PCDH11X: variants seen among roughly 807,000 people sequenced by gnomAD.
PCDH11X encodes the protein protocadherin-11 X-linked.
In PCDH11X, 18 loss-of-function variants were observed where a neutral mutation model predicts 53.3. The observed-to-expected ratio is 0.34, with a 90% confidence interval of 0.23 to 0.50. PCDH11X has a LOEUF of 0.50. PCDH11X is among the 20% of genes least tolerant of loss of function. The pLI, the probability that PCDH11X is intolerant of heterozygous loss-of-function variation, is 0.98. For missense variants in PCDH11X, 570 were observed against 1,032.4 expected, an observed-to-expected ratio of 0.55 and a Z score of 6.14; for synonymous variants, 279 against 393.3, an observed-to-expected ratio of 0.71 and a Z score of 3.44.
chrX:92,094,173 GTGTATA>G (rs1187466404), intron 6 of PCDH11X, among the ~76,000 whole-genome samples: 6 of 71,300 alleles, frequency 8.4e-5, no homozygotes, highest in African/African-American at 3.0e-4. Flanking sequence ...GTGTGTGTGT[GTGTATA>G]TATATATAAA....
chrX:92,119,065 C>T (rs1232992329), intron 6 of PCDH11X, among the ~76,000 whole-genome samples: 1 of 109,268 alleles, frequency 9.2e-6, no homozygotes, highest in African/African-American at 3.3e-5. Context: ...TTGAGATAAT[C>T]TGATAAATTA....
rs200385743 is a variant in PCDH11X at position 92,552,007 on chromosome X, T to TC, written c.3368-66256dup. Among the ~76,000 whole-genome samples, 395 of 89,193 alleles carry TC rather than the reference T, an allele frequency of 4.4e-3. 4 individuals are homozygous for TC. The East Asian group carries it at 0.077, about 17-fold the overall frequency. The allele number at this position is 89,193 out of a possible 115,157, so 77.5% of individuals were successfully genotyped here. A position where few individuals can be genotyped will look rare whatever the true frequency, so the allele number is the denominator to read the frequency against. On this transcript the variant is annotated intron_variant, in intron 10 of 10. Coordinates refer to ENST00000682573, the MANE Select transcript of PCDH11X (RefSeq NM_032968.5). ...TCCTCTGGTTTTTTTTTTTTTTTTT[T>TC]CTCAGGATAGCTTTGATAATTTGGG...
intron 6 of PCDH11X, among the ~76,000 whole-genome samples, chrX:92,038,292 G>A (rs1448779007): frequency 2.7e-5 from 3 of 110,415 alleles, no homozygotes; most frequent in African/African-American, 9.9e-5. Flanking sequence ...GGCCTAGGAG[G>A]ATAACATGGT....
chrX:92,124,128 C>A (rs1313260795), intron 6 of PCDH11X, among the ~76,000 whole-genome samples: 3 of 111,525 alleles, frequency 2.7e-5, no homozygotes, highest in African/African-American at 9.8e-5. Flanking sequence ...TAAGTCAGTT[C>A]TGTTGTGCTA....
chrX:92,408,182 T>C (rs1176600089), intron 9 of PCDH11X, among the ~76,000 whole-genome samples: 4 of 110,881 alleles, frequency 3.6e-5, no homozygotes, highest in African/African-American at 1.3e-4. Context: ...CTTGCCAGCC[T>C]TAAAGTGTTT....
In PCDH11X at chrX:92,221,212, AT is replaced by A. The variant is rs1174446189; in HGVS notation, c.3114+19758del. 3.3e-4 allele frequency among the ~76,000 whole-genome samples: 3 copies of A among 9,055 alleles called. No individual in the cohort carries two copies. In the Non-Finnish European group the frequency reaches 4.1e-3, roughly 12 times the overall value. 7.9% of individuals were successfully genotyped at this position (9,055 alleles called of 115,157 possible). A position where few individuals can be genotyped will look rare whatever the true frequency, so the allele number is the denominator to read the frequency against. On this transcript the variant is annotated intron_variant, in intron 7 of 10. Coordinates refer to ENST00000682573, the MANE Select transcript of PCDH11X (RefSeq NM_032968.5). ...CTTAAAGTATAATAATAATAAAAAA[AT>A]AAATAAAAATAAATAAAAATGAAAA...
chrX:92,573,336 C>A (rs1922423810), intron 10 of PCDH11X, among the ~76,000 whole-genome samples: 2 of 111,602 alleles, frequency 1.8e-5, no homozygotes, highest in African/African-American at 6.5e-5. Context: ...ATTGACCTGA[C>A]ATTTATTGAA....
chrX:92,124,827 A>G (rs1234869757), intron 6 of PCDH11X, among the ~76,000 whole-genome samples: 1 of 110,650 alleles, frequency 9.0e-6, no homozygotes, highest in Non-Finnish European at 1.9e-5. Flanking sequence ...TGGGAGTCCA[A>G]TTTGTGATCT....
intron 6 of PCDH11X, among the ~76,000 whole-genome samples, chrX:92,002,703 G>A (rs1206206770): frequency 9.3e-6 from 1 of 107,123 alleles, no homozygotes; most frequent in Non-Finnish European, 1.9e-5. Flanking sequence ...GTCACTGTTG[G>A]TATATAGAAT....
At chrX:91,997,731 G>A (rs1015027715) in intron 6 of PCDH11X, among the ~76,000 whole-genome samples, 6 of 111,124 alleles carry the variant, frequency 5.4e-5, no homozygotes, top group African/African-American at 2.0e-4. Flanking sequence ...GTCTCATAAA[G>A]TGGTTTTGGA....
intron 6 of PCDH11X, among the ~76,000 whole-genome samples, chrX:92,100,187 CGAA>C (rs1165391074): frequency 9.0e-6 from 1 of 111,178 alleles, no homozygotes; most frequent in Non-Finnish European, 1.9e-5. Flanking sequence ...AAGGTACACA[CGAA>C]GAAGCCTTTC....
At chrX:91,883,633 A>G (rs1474743844) in intron 6 of PCDH11X, 3 of 550,255 alleles carry the variant, frequency 5.5e-6, no homozygotes, top group South Asian at 9.7e-5. Context: ...GTGAAACCCC[A>G]TCTCCACTAA....
At chrX:91,893,411 G>A (rs1940597751) in intron 6 of PCDH11X, among the ~76,000 whole-genome samples, 1 of 105,215 alleles carries the variant, frequency 9.5e-6, no homozygotes, top group Admixed American at 1.0e-4. Context: ...GCAGTGGCGC[G>A]ATCTCGGCTC....
chrX:92,080,861 T>G (rs1696047414), intron 6 of PCDH11X, among the ~76,000 whole-genome samples: 1 of 111,107 alleles, frequency 9.0e-6, no homozygotes, highest in Admixed American at 9.6e-5. Flanking sequence ...GAGAAGTGAC[T>G]GGATAGATAA....
chrX:92,495,928 A>G (rs1310942418), intron 10 of PCDH11X, among the ~76,000 whole-genome samples: 1 of 104,190 alleles, frequency 9.6e-6, no homozygotes, highest in Non-Finnish European at 1.9e-5. Context: ...TGGGAATACA[A>G]TTCAAAATGA....
At chrX:92,467,236 C>T (rs756049083) in intron 9 of PCDH11X, among the ~76,000 whole-genome samples, 29 of 111,398 alleles carry the variant, frequency 2.6e-4, no homozygotes, top group Non-Finnish European at 4.0e-4. Context: ...GTCAGTGACA[C>T]TTAAAAGTGT....
intron 6 of PCDH11X, among the ~76,000 whole-genome samples, chrX:91,898,151 G>A (rs1325439191): frequency 9.1e-6 from 1 of 110,076 alleles, no homozygotes; most frequent in Non-Finnish European, 1.9e-5. Flanking sequence ...GAGTCAATAA[G>A]TATAAGACTT....
intron 8 of PCDH11X, among the ~76,000 whole-genome samples, chrX:92,373,578 A>G (rs2573826): frequency 0.41 from 44,803 of 110,251 alleles, 7,111 homozygotes; most frequent in Non-Finnish European, 0.49. Flanking sequence ...AAAATCCTTC[A>G]CTGCATTAGA....
chrX:92,173,829 A>G (rs2065860803), intron 6 of PCDH11X, among the ~76,000 whole-genome samples: 1 of 105,874 alleles, frequency 9.4e-6, no homozygotes, highest in African/African-American at 3.5e-5. Flanking sequence ...ACAAAAAAAT[A>G]CAAAAATTAG....
Sources: allele counts gnomAD v4.1 joint callset (sites outside exome capture counted in the v4.1 genomes callset), GRCh38; gene constraint gnomAD v4.1.1; transcripts MANE v1.5; gene names NCBI Gene and HGNC (gene_info 2026-07-23, HGNC 2026-07-21).